The following ZNF878 variants were observed in gnomAD, a reference collection of about 807,000 sequenced individuals.
ZNF878 encodes the protein zinc finger protein 878.
ZNF878 carries 10 observed loss-of-function variants against 11.1 expected under a neutral mutation model. The ratio of observed to expected loss-of-function variants is 0.90; its 90% CI spans 0.56 to 1.53. The LOEUF (loss-of-function observed/expected upper bound fraction) is 1.53, where lower values mean the gene tolerates loss of function less well. Ranked by LOEUF, ZNF878 falls within the 40% of genes most tolerant of loss-of-function variation. The pLI, the probability that ZNF878 is intolerant of heterozygous loss-of-function variation, is 0.00. For synonymous variants in ZNF878, 165 were observed against 209.7 expected (o/e 0.79, Z 1.84); for missense variants, 548 against 626.1 (o/e 0.88, Z 1.33).
rs543830288 is a variant in ZNF878, at chr19:12,052,946, G to A, written c.-145C>T. On this transcript the variant is annotated 5_prime_UTR_variant, in exon 1 of 4. Coordinates refer to ENST00000547628, the MANE Select transcript of ZNF878 (RefSeq NM_001080404.3). ...GAAAGCCCCAGACCTTAACTAGCGCGAGCAGCCCTAGGAGTGAAGAGAGCG... is the reference window on the plus strand; with the variant it reads ...GAAAGCCCCAGACCTTAACTAGCGCAAGCAGCCCTAGGAGTGAAGAGAGCG... 3.0e-4 allele frequency: 401 copies of A among 1,357,242 alleles called. 3 individuals carry two copies. The African/African-American group carries it at 5.3e-3, about 18-fold the overall frequency. 84.1% of individuals were successfully genotyped at this position (1,357,242 alleles called of 1,614,324 possible).
Position 12,044,837 on chromosome 19 carries a change from T to G in ZNF878, c.564A>C (p.Arg188Ser). ...KAFSFPSSVR[R>S]HERIHSAKKP... ...TTTTTGCAGAGTGGATTCTTTCATG[T>G]CTACGAACAGAACTGGGAAAACTGA... is the stretch of plus-strand genomic sequence containing the variant. Residue 188 changes from arginine to serine, a missense_variant, in exon 4 of 4, where the codon AGA becomes AGC. Physicochemically the swap from Arg to Ser is moderately radical, Grantham distance 110. Coordinates refer to ENST00000547628, the MANE Select transcript of ZNF878 (RefSeq NM_001080404.3). The G allele has an allele frequency of 6.2e-7, 1 of 1,614,164 alleles. No individual in the cohort carries two copies. The highest frequency in any genetic ancestry group is 8.5e-7 in the Non-Finnish European group (1 of 1,180,018).
chr19:12,050,133 G>A (rs967786472), intron 1 of ZNF878, among the ~76,000 whole-genome samples: 4 of 152,256 alleles, frequency 2.6e-5, no homozygotes, highest in Middle Eastern at 3.4e-3. Context: ...GCTGAAGCAG[G>A]AGAATCGATT....
At chr19:12,046,849 T>G (rs888531363) in intron 1 of ZNF878, 89 bp from the exon 2 acceptor site, 1 of 1,548,490 alleles carries the variant, frequency 6.5e-7, no homozygotes, top group African/African-American at 1.4e-5. Flanking sequence ...CTCAGGATGC[T>G]GTGGTGTGTG....
chr19:12,050,832 C>T (rs1975542143), intron 1 of ZNF878, among the ~76,000 whole-genome samples: 7 of 152,100 alleles, frequency 4.6e-5, no homozygotes, highest in Admixed American at 4.6e-4. Flanking sequence ...CGGTGGCTCA[C>T]GCCTGTAATC....
At chr19:12,052,603 C>CA (rs1975562279) in intron 1 of ZNF878, among the ~76,000 whole-genome samples, 196 bp downstream of exon 1, 2 of 152,198 alleles carry the variant, frequency 1.3e-5, no homozygotes, top group Admixed American at 6.5e-5. Context: ...AGGGACCGGA[C>CA]AGGACGCCCG....
At chr19:12,045,714 T>C (rs1282173838) in intron 3 of ZNF878, among the ~76,000 whole-genome samples, 1 of 152,092 alleles carries the variant, frequency 6.6e-6, no homozygotes, top group Non-Finnish European at 1.5e-5. Context: ...ACAGGGATTT[T>C]AAATGCTTTA....
chr19:12,046,940 G>T (rs1026561102), intron 1 of ZNF878, among the ~76,000 whole-genome samples, 180 bp from the exon 2 acceptor site: 1 of 152,070 alleles, frequency 6.6e-6, no homozygotes, highest in African/African-American at 2.4e-5. Flanking sequence ...AAACAATTTT[G>T]ATGCTAGAGT....
chr19:12,047,698 C>T (rs1975508279), intron 1 of ZNF878, among the ~76,000 whole-genome samples: 1 of 151,976 alleles, frequency 6.6e-6, no homozygotes, highest in Non-Finnish European at 1.5e-5. Flanking sequence ...TGGCTCATGC[C>T]TATAATTCCA....
chr19:12,049,509 C>T (rs1364158421), intron 1 of ZNF878, among the ~76,000 whole-genome samples: 2 of 138,720 alleles, frequency 1.4e-5, no homozygotes, highest in Non-Finnish European at 3.0e-5. Flanking sequence ...CAGTGGCTCA[C>T]ACCTGTAATC....
At chr19:12,050,544 T>G (rs1236519307) in intron 1 of ZNF878, among the ~76,000 whole-genome samples, 3 of 152,194 alleles carry the variant, frequency 2.0e-5, no homozygotes, top group African/African-American at 7.2e-5. Flanking sequence ...ATTCTGGGGT[T>G]GAGACACCTC....
rs1975556774 is a variant in ZNF878, at chr19:12,052,033, C to CAAA, written c.3+765_3+766insTTT. On this transcript the variant is annotated intron_variant, in intron 1 of 3. Transcript: ENST00000547628. The stretch of plus-strand genomic sequence containing the variant: ...CCTCCAAATTTTAGACAAAGCTTTA[C>CAAA]ACACTCTCAACCAACTGCCACCTAC... Among the ~76,000 whole-genome samples the CAAA allele has an allele frequency of 2.6e-5, 4 of 152,178 alleles. No individual in the cohort carries two copies. In the South Asian group the frequency reaches 8.3e-4, roughly 32 times the overall value.
In ZNF878 at chr19:12,044,954, C is replaced by T. The variant is rs377344002; in HGVS notation, c.447G>A (p.Gly149=). The T allele has an allele frequency of 1.9e-6, 3 of 1,614,086 alleles. No homozygotes were observed. Among genetic ancestry groups the T allele is most frequent in the Non-Finnish European group, 2.5e-6 (3 of 1,180,012 alleles). ...CAGAACTGGGAAACCTGAATGCTTT[C>T]CCACATTCCTTACATTCATAAGGCT... ...GEKPYECKEC[G]KAFRFPSSVR... The change falls in exon 4 of 4, where the codon GGG becomes GGA. Residue 149 remains glycine, a synonymous_variant. Coordinates refer to ENST00000547628, the MANE Select transcript of ZNF878 (RefSeq NM_001080404.3).
intron 1 of ZNF878, among the ~76,000 whole-genome samples, chr19:12,048,079 C>G (rs1975512087): frequency 6.6e-6 from 1 of 152,174 alleles, no homozygotes; most frequent in South Asian, 2.1e-4. Context: ...CAACCCATGA[C>G]TCAACACAGT....
In ZNF878 at chr19:12,052,961, T is replaced by C. The variant is rs959193261; in HGVS notation, c.-160A>G. The C allele has an allele frequency of 3.2e-5, 42 of 1,327,868 alleles. No individual in the cohort carries two copies. The African/African-American group carries it at 4.8e-4, about 15-fold the overall frequency. The allele number at this position is 1,327,868 out of a possible 1,614,324, so 82.3% of individuals were successfully genotyped here. A position where few individuals can be genotyped will look rare whatever the true frequency, so the allele number is the denominator to read the frequency against. On this transcript the variant is annotated 5_prime_UTR_variant, in exon 1 of 4. Coordinates refer to ENST00000547628, the MANE Select transcript of ZNF878 (RefSeq NM_001080404.3). ...TAACTAGCGCGAGCAGCCCTAGGAG[T>C]GAAGAGAGCGGGAATGCAACCTCCC...
In ZNF878 at chr19:12,046,760, C is replaced by G; in HGVS notation, c.4G>C (p.Asp2His). The change falls in exon 2 of 4, where the codon GAT becomes CAT. Residue 2 changes from aspartate to histidine, a missense_variant and splice_region_variant. By Grantham distance (81) the Asp-to-His change is moderately conservative (BLOSUM62 -1). Transcript: ENST00000547628. M[D>H]SVAFEDVAVN... Reference sequence around the variant, plus strand: ...GCCACATCCTCAAAGGCCACCGAATCCTGAAATATCCCACATGTGGACAGG... The same window carrying G: ...GCCACATCCTCAAAGGCCACCGAATGCTGAAATATCCCACATGTGGACAGG... 1 of 1,613,846 alleles carries G rather than the reference C, an allele frequency of 6.2e-7. No individual in the cohort carries two copies. Among genetic ancestry groups the G allele is most frequent in the Non-Finnish European group, 8.5e-7 (1 of 1,179,870 alleles).
At chr19:12,045,619 C>A (rs1975471096) in intron 3 of ZNF878, among the ~76,000 whole-genome samples, 1 of 150,876 alleles carries the variant, frequency 6.6e-6, no homozygotes, top group Admixed American at 6.6e-5. Context: ...TGCACTCCAG[C>A]CTGGGTGACA....
At chr19:12,048,441 C>G (rs867198671) in intron 1 of ZNF878, among the ~76,000 whole-genome samples, 1 of 151,330 alleles carries the variant, frequency 6.6e-6, no homozygotes, top group Non-Finnish European at 1.5e-5. Flanking sequence ...TGGCATGAAC[C>G]CGGGAGGCGG....
chr19:12,049,480 A>AAAAAAAAAAAAAAAAAAAC (rs1975530176), intron 1 of ZNF878, among the ~76,000 whole-genome samples: 2 of 148,778 alleles, frequency 1.3e-5, no homozygotes, highest in African/African-American at 2.5e-5. Context: ...AAAAAAAAAA[A>AAAAAAAAAAAAAAAAAAAC]AGAATAACAG....
rs549188305 is a variant in ZNF878, at chr19:12,045,490, T to C, written c.192-281A>G. Among the ~76,000 whole-genome samples, 4 of 151,748 alleles carry C rather than the reference T, an allele frequency of 2.6e-5. No individual in the cohort carries two copies. The East Asian group carries it at 5.9e-4, about 22-fold the overall frequency. ...GTGAAACCCTGTCTCTACTAAAAAA[T>C]ACAAAAAATTAGCCGGGCGTGGTGG... On this transcript the variant is annotated intron_variant, in intron 3 of 3. Transcript: ENST00000547628.
Sources: allele counts gnomAD v4.1 joint callset (sites outside exome capture counted in the v4.1 genomes callset), GRCh38; gene constraint gnomAD v4.1.1; transcripts MANE v1.5; gene names NCBI Gene and HGNC (gene_info 2026-07-23, HGNC 2026-07-21).